SPTLC2: variants seen among roughly 807,000 people sequenced by gnomAD.
SPTLC2 encodes the protein serine palmitoyltransferase long chain base subunit 2, also known as serine palmitoyltransferase 2.
A neutral mutation model predicts 62.0 loss-of-function variants in SPTLC2; 21 were observed. That is an observed-to-expected ratio of 0.34 (90% CI 0.24 to 0.49). The LOEUF (loss-of-function observed/expected upper bound fraction) is 0.49, where lower values mean the gene tolerates loss of function less well. Among genes scored for constraint, SPTLC2 ranks in the 20% least tolerant of loss-of-function variants. The pLI, the probability that SPTLC2 is intolerant of heterozygous loss-of-function variation, is 0.99. For synonymous variants in SPTLC2, 261 were observed against 261.8 expected, an observed-to-expected ratio of 1.00 and a Z score of 0.03; for missense variants, 511 against 713.0, an observed-to-expected ratio of 0.72 and a Z score of 3.23.
chr14:77,563,761 A>C (rs1313151488), intron 5 of SPTLC2, among the ~76,000 whole-genome samples: 1 of 152,166 alleles, frequency 6.6e-6, no homozygotes, highest in East Asian at 1.9e-4. Flanking sequence ...TGGTTGAAAA[A>C]AATCCACGTG....
chr14:77,592,558 T>C (rs1370335345), intron 2 of SPTLC2, among the ~76,000 whole-genome samples: 1 of 152,228 alleles, frequency 6.6e-6, no homozygotes, highest in Non-Finnish European at 1.5e-5. Flanking sequence ...ACATATAATG[T>C]CCCTTCGCCG....
At chr14:77,578,244 C>T (rs1186173179) in intron 3 of SPTLC2, among the ~76,000 whole-genome samples, 1 of 152,036 alleles carries the variant, frequency 6.6e-6, no homozygotes, top group African/African-American at 2.4e-5. Context: ...CTCTACATAT[C>T]ATCCTTAAAT....
intron 11 of SPTLC2, among the ~76,000 whole-genome samples, chr14:77,513,339 A>T (rs1403854344): frequency 2.0e-5 from 3 of 152,316 alleles, no homozygotes; most frequent in African/African-American, 7.2e-5. Flanking sequence ...TTTTTTAAAA[A>T]ATCAGTGTTT....
At chr14:77,613,097 C>A (rs1004127778) in intron 1 of SPTLC2, among the ~76,000 whole-genome samples, 1 of 152,132 alleles carries the variant, frequency 6.6e-6, no homozygotes, top group South Asian at 2.1e-4. Context: ...ATTTCAGGTG[C>A]AACCAAAACA....
intron 2 of SPTLC2, among the ~76,000 whole-genome samples, chr14:77,589,817 A>AC (rs61530485): frequency 7.3e-5 from 11 of 151,334 alleles, no homozygotes; most frequent in African/African-American, 1.5e-4. Context: ...ACACACACAC[A>AC]AATACAAAAA....
intron 9 of SPTLC2, among the ~76,000 whole-genome samples, chr14:77,522,023 A>G (rs1264701648): frequency 1.3e-5 from 2 of 152,196 alleles, no homozygotes; most frequent in African/African-American, 2.4e-5. Context: ...TAGAATTTAC[A>G]TCTTCTAACT....
At position 77,616,510 on chromosome 14, in the gene SPTLC2, C is replaced by G. The variant is rs1555379648; in HGVS notation, c.70G>C (p.Glu24Gln). The G allele has an allele frequency of 1.3e-6, 2 of 1,534,502 alleles. No individual in the cohort carries two copies. Among genetic ancestry groups the G allele is most frequent in the Non-Finnish European group, 1.7e-6 (2 of 1,145,864 alleles). The change falls in exon 1 of 12, where the codon GAA becomes CAA. Residue 24 changes from glutamate to glutamine, a missense_variant. By Grantham distance (29) the Glu-to-Gln change is conservative. Coordinates refer to ENST00000216484, the MANE Select transcript of SPTLC2 (RefSeq NM_004863.4). ...VRANGCVANG[E>Q]VRNGYVRSSA... ...CTCCTCACGTACCCGTTCCGTACTT[C>G]CCCGTTCGCCACGCAGCCATTCGCC...
intron 10 of SPTLC2, among the ~76,000 whole-genome samples, chr14:77,519,618 G>A (rs1042249811): frequency 9.9e-5 from 15 of 151,990 alleles, no homozygotes; most frequent in African/African-American, 3.1e-4. Context: ...CTGGGGAGGC[G>A]GAAGCACAAG....
At chr14:77,615,523 G>A (rs1299134346) in intron 1 of SPTLC2, among the ~76,000 whole-genome samples, 1 of 152,210 alleles carries the variant, frequency 6.6e-6, no homozygotes, top group Non-Finnish European at 1.5e-5. Flanking sequence ...AAAGTCAACT[G>A]CAAAATTATC....
At chr14:77,514,684 A>G (rs2079350002) in intron 11 of SPTLC2, among the ~76,000 whole-genome samples, 1 of 152,262 alleles carries the variant, frequency 6.6e-6, no homozygotes, top group Non-Finnish European at 1.5e-5. Flanking sequence ...ATTCACTTTT[A>G]AAGTATACAA....
chr14:77,576,261 ACT>A (rs1417060968), intron 4 of SPTLC2, among the ~76,000 whole-genome samples: 2 of 152,112 alleles, frequency 1.3e-5, no homozygotes, highest in Non-Finnish European at 2.9e-5. Flanking sequence ...TAAAGTTATT[ACT>A]CTTTTATATT....
intron 9 of SPTLC2, among the ~76,000 whole-genome samples, chr14:77,539,093 TAAAC>T (rs930874797): frequency 3.9e-5 from 6 of 152,100 alleles, no homozygotes; most frequent in Non-Finnish European, 7.3e-5. Flanking sequence ...ATGAAATGCT[TAAAC>T]AAACGGTCTT....
At chr14:77,575,640 T>C (rs963196973) in intron 4 of SPTLC2, among the ~76,000 whole-genome samples, 8 of 152,216 alleles carry the variant, frequency 5.3e-5, no homozygotes, top group Admixed American at 6.5e-5. Flanking sequence ...CGAGGGATGC[T>C]CTGGCCTCAG....
intron 2 of SPTLC2, among the ~76,000 whole-genome samples, chr14:77,593,090 G>T: frequency 6.7e-6 from 1 of 150,248 alleles, no homozygotes; most frequent in African/African-American, 2.4e-5. Context: ...GCGACAGAGT[G>T]AGACTCCATC....
At chr14:77,582,396 G>A (rs2079756718) in intron 2 of SPTLC2, among the ~76,000 whole-genome samples, 2 of 152,068 alleles carry the variant, frequency 1.3e-5, no homozygotes, top group Admixed American at 6.6e-5. Flanking sequence ...GCACATTAAT[G>A]TTCAAAGTAT....
rs1454582114 is a variant in SPTLC2 at position 77,597,362 on chromosome 14, T to G, written c.151A>C (p.Asn51His). ...AACGGTCTTTTATATAGTCCTCCAT[T>G]TTGTGTAACATGATGGATCTAAAAG... is the stretch of plus-strand genomic sequence containing the variant. ...AAGQIHHVTQ[N>H]GGLYKRPFNE... Residue 51 changes from asparagine (N) to histidine (H), a missense_variant, in exon 2 of 12, where the codon AAT becomes CAT. Physicochemically the swap from Asn to His is moderately conservative, Grantham distance 68. Coordinates refer to ENST00000216484, the MANE Select transcript of SPTLC2 (RefSeq NM_004863.4). 1 of 1,613,890 alleles carries G rather than the reference T, an allele frequency of 6.2e-7. No homozygotes were observed. The highest frequency in any genetic ancestry group is 8.5e-7 in the Non-Finnish European group (1 of 1,179,754).
chr14:77,565,430 C>T (rs10140715), intron 5 of SPTLC2, among the ~76,000 whole-genome samples: 115,174 of 151,900 alleles, frequency 0.76, 43,783 homozygotes, highest in East Asian at 0.91. Context: ...AGAAAATCCC[C>T]GCTGACACCT....
At chr14:77,548,268 T>C (rs1186162312) in intron 9 of SPTLC2, among the ~76,000 whole-genome samples, 1 of 152,220 alleles carries the variant, frequency 6.6e-6, no homozygotes, top group African/African-American at 2.4e-5. Context: ...TTTTCTGGTA[T>C]TGCCAATCAT....
intron 1 of SPTLC2, among the ~76,000 whole-genome samples, chr14:77,614,991 A>C (rs1231122514): frequency 6.6e-6 from 1 of 151,966 alleles, no homozygotes; most frequent in Non-Finnish European, 1.5e-5. Flanking sequence ...CAAAAACAAA[A>C]ACAAAAAAAA....
Sources: allele counts gnomAD v4.1 joint callset (sites outside exome capture counted in the v4.1 genomes callset), GRCh38; gene constraint gnomAD v4.1.1; transcripts MANE v1.5; gene names NCBI Gene and HGNC (gene_info 2026-07-23, HGNC 2026-07-21).